The following NEGR1 variants were observed in gnomAD, a reference collection of about 807,000 sequenced individuals.
NEGR1 encodes the protein neuronal growth regulator 1.
NEGR1 carries 10 observed loss-of-function variants against 40.9 expected under a neutral mutation model. The observed-to-expected ratio is 0.24, with a 90% CI of 0.15 to 0.42. NEGR1 has a LOEUF of 0.42. Ranked by LOEUF, NEGR1 falls within the 10% of genes least tolerant of loss-of-function variation. NEGR1 has a pLI of 1.00. For synonymous variants in NEGR1, 185 were observed against 166.8 expected, an observed-to-expected ratio of 1.11 and a Z score of -0.84; for missense variants, 352 against 438.9, an observed-to-expected ratio of 0.80 and a Z score of 1.77.
chr1:71,832,148 A>C (rs974767245), intron 2 of NEGR1, among the ~76,000 whole-genome samples: 1 of 151,944 alleles, frequency 6.6e-6, no homozygotes. Context: ...AAGCTGAAAG[A>C]CAGTTCAAAG....
At chr1:72,061,510 C>T (rs577776769) in intron 1 of NEGR1, among the ~76,000 whole-genome samples, 2 of 151,754 alleles carry the variant, frequency 1.3e-5, no homozygotes, top group South Asian at 4.2e-4. Context: ...CATAGACAAA[C>T]GTTGTGTCTA....
intron 1 of NEGR1, among the ~76,000 whole-genome samples, chr1:71,983,348 A>G (rs1646369440): frequency 6.6e-6 from 1 of 152,200 alleles, no homozygotes; most frequent in Non-Finnish European, 1.5e-5. Context: ...GGAAAATGAA[A>G]TAATGGAAAG....
intron 4 of NEGR1, among the ~76,000 whole-genome samples, chr1:71,635,499 A>T (rs191766054): frequency 1.3e-5 from 2 of 152,138 alleles, no homozygotes; most frequent in East Asian, 3.9e-4. Context: ...GGTTTGAGAG[A>T]AGTATTTGAG....
chr1:71,499,411 G>GTT (rs1557546928), intron 6 of NEGR1, among the ~76,000 whole-genome samples: 1 of 148,356 alleles, frequency 6.7e-6, no homozygotes, highest in Non-Finnish European at 1.5e-5. Context: ...CTTGCACATA[G>GTT]TTATATATAT....
At chr1:71,468,262 T>C (rs1646759383) in intron 6 of NEGR1, 1 of 151,988 alleles carries the variant, frequency 6.6e-6, no homozygotes, top group Non-Finnish European at 1.5e-5. Context: ...CTCTAACTAT[T>C]AATGAATTTT....
chr1:71,822,292 C>G (rs1355918764), intron 2 of NEGR1, among the ~76,000 whole-genome samples: 5 of 151,812 alleles, frequency 3.3e-5, no homozygotes. Context: ...TAGGATTGCA[C>G]AAAATGAGAA....
At chr1:71,420,013 A>AT (rs1646384379) in intron 6 of NEGR1, among the ~76,000 whole-genome samples, 1 of 152,020 alleles carries the variant, frequency 6.6e-6, no homozygotes, top group African/African-American at 2.4e-5. Context: ...TTTTAAAACC[A>AT]TTACATCAAA....
intron 1 of NEGR1, among the ~76,000 whole-genome samples, chr1:72,201,967 A>T (rs1653231673): frequency 6.6e-6 from 1 of 151,876 alleles, no homozygotes; most frequent in Non-Finnish European, 1.5e-5. Flanking sequence ...GTTTTGTGGC[A>T]TCCTTGCTTT....
chr1:72,259,220 G>T (rs1268419590), intron 1 of NEGR1, among the ~76,000 whole-genome samples: 2 of 152,044 alleles, frequency 1.3e-5, no homozygotes, highest in Non-Finnish European at 2.9e-5. Context: ...TAAAAACAAG[G>T]AGCTATAGAT....
intron 2 of NEGR1, among the ~76,000 whole-genome samples, chr1:71,854,749 A>T (rs624231): frequency 0.036 from 5,547 of 152,100 alleles, 190 homozygotes; most frequent in African/African-American, 0.087. Context: ...AAGGGGGGAA[A>T]GTCCCTTATA....
chr1:71,775,139 C>T (rs1656457502), intron 3 of NEGR1, among the ~76,000 whole-genome samples: 1 of 152,100 alleles, frequency 6.6e-6, no homozygotes, highest in African/African-American at 2.4e-5. Context: ...ATTACTTTAG[C>T]GGTTCATGCT....
chr1:71,683,773 A>ATT (rs370689018), intron 4 of NEGR1, among the ~76,000 whole-genome samples: 87,285 of 144,260 alleles, frequency 0.61, 26,699 homozygotes, highest in African/African-American at 0.73. Context: ...GTTACTTAGG[A>ATT]TTTTTTTTTT....
intron 2 of NEGR1, among the ~76,000 whole-genome samples, chr1:71,859,882 C>G (rs1318286884): frequency 6.6e-6 from 1 of 151,968 alleles, no homozygotes; most frequent in Non-Finnish European, 1.5e-5. Flanking sequence ...AGTAACTGTT[C>G]CTGAATGAGG....
chr1:71,765,697 A>G (rs1323814588), intron 3 of NEGR1, among the ~76,000 whole-genome samples: 4 of 152,148 alleles, frequency 2.6e-5, no homozygotes, highest in Admixed American at 2.0e-4. Context: ...TATGGTTTGT[A>G]TCTTATTTGA....
chr1:72,049,473 C>T (rs188745268), intron 1 of NEGR1, among the ~76,000 whole-genome samples: 2 of 151,590 alleles, frequency 1.3e-5, no homozygotes, highest in Admixed American at 1.3e-4. Context: ...GGTAGCATGG[C>T]TTATTGATCA....
At chr1:72,072,598 T>G (rs1215001820) in intron 1 of NEGR1, among the ~76,000 whole-genome samples, 2 of 152,128 alleles carry the variant, frequency 1.3e-5, no homozygotes, top group African/African-American at 2.4e-5. Flanking sequence ...TTCAATATAA[T>G]CTTTCCCTCA....
chr1:71,448,098 A>G (rs1646595215), intron 6 of NEGR1, among the ~76,000 whole-genome samples: 1 of 152,186 alleles, frequency 6.6e-6, no homozygotes, highest in South Asian at 2.1e-4. Context: ...CAAGGGAAAC[A>G]CGGTTTTCTG....
At chr1:71,626,989 G>A (rs1466124628) in intron 4 of NEGR1, among the ~76,000 whole-genome samples, 1 of 152,126 alleles carries the variant, frequency 6.6e-6, no homozygotes, top group Non-Finnish European at 1.5e-5. Flanking sequence ...TCAAAAGTCA[G>A]GAAACAACAG....
intron 4 of NEGR1, among the ~76,000 whole-genome samples, chr1:71,696,892 A>G (rs1054821055): frequency 7.2e-5 from 11 of 151,834 alleles, no homozygotes; most frequent in Non-Finnish European, 1.3e-4. Context: ...ATCCTGCTCC[A>G]AAAACTGCCT....
Sources: allele counts gnomAD v4.1 joint callset (sites outside exome capture counted in the v4.1 genomes callset), GRCh38; gene constraint gnomAD v4.1.1; transcripts MANE v1.5; gene names NCBI Gene and HGNC (gene_info 2026-07-23, HGNC 2026-07-21).